RPS3: variants seen among roughly 807,000 people sequenced by gnomAD.
RPS3 encodes the protein small ribosomal subunit protein uS3.
In RPS3, 2 loss-of-function variants were observed where a neutral mutation model predicts 25.8. The ratio of observed to expected loss-of-function variants is 0.08; its 90% CI spans 0.03 to 0.24. The LOEUF (loss-of-function observed/expected upper bound fraction) is 0.24. Among genes scored for constraint, RPS3 ranks in the 10% least tolerant of loss-of-function variants. The probability of loss-of-function intolerance (pLI) is 1.00; values close to 1 mark genes in which losing one functional copy is unlikely to be tolerated. For missense variants in RPS3, 107 were observed against 307.1 expected, an observed-to-expected ratio of 0.35 and a Z score of 4.87; for synonymous variants, 114 against 114.2, an observed-to-expected ratio of 1.00 and a Z score of 0.01.
chr11:75,416,836 T>C (rs569279406), intron 6 of RPS3, among the ~76,000 whole-genome samples: 1 of 152,350 alleles, frequency 6.6e-6, no homozygotes, highest in East Asian at 1.9e-4. Flanking sequence ...CTGGAAAACA[T>C]TGAAGTATCA....
downstream of RPS3, among the ~76,000 whole-genome samples, chr11:75,407,545 C>A (rs35378921): frequency 0.072 from 11,010 of 152,218 alleles, 519 homozygotes; most frequent in South Asian, 0.22. Flanking sequence ...GATCTCTGCT[C>A]ACTGCAAGCC....
chr11:75,409,541 T>TTAA (rs1239267194), downstream of RPS3, among the ~76,000 whole-genome samples: 1 of 130,474 alleles, frequency 7.7e-6, no homozygotes, highest in East Asian at 2.2e-4. Flanking sequence ...GCAGAAGAAT[T>TTAA]TTTCTTAGTA....
intron 6 of RPS3, among the ~76,000 whole-genome samples, chr11:75,419,785 C>G (rs1035366895): frequency 1.2e-4 from 19 of 152,114 alleles, no homozygotes; most frequent in African/African-American, 4.6e-4. Flanking sequence ...AGGCATACGC[C>G]ACCATGCCCG....
intron 2 of RPS3, 92 bp downstream of exon 2, chr11:75,400,916 T>C (rs1948200292): frequency 7.0e-7 from 1 of 1,435,094 alleles, no homozygotes; most frequent in Non-Finnish European, 9.2e-7. Context: ...GGAGTCTTGC[T>C]CTGTCCCCAA....
chr11:75,420,929 G>A (rs1948438287), intron 6 of RPS3, among the ~76,000 whole-genome samples: 1 of 152,114 alleles, frequency 6.6e-6, no homozygotes, highest in African/African-American at 2.4e-5. Context: ...CAGTCAGCAT[G>A]GGGTAAATGG....
At chr11:75,412,461 C>T (rs1948365971) in intron 6 of RPS3, among the ~76,000 whole-genome samples, 1 of 152,120 alleles carries the variant, frequency 6.6e-6, no homozygotes, top group Non-Finnish European at 1.5e-5. Context: ...GTTCTTCAAG[C>T]CAAGGCTATC....
At chr11:75,402,168 G>T in intron 3 of RPS3, 184 bp from the exon 4 acceptor site, 2 of 826,666 alleles carry the variant, frequency 2.4e-6, no homozygotes, top group Non-Finnish European at 3.8e-6. Flanking sequence ...TACTGGTAGC[G>T]CAAAAAATCA....
chr11:75,418,403 G>A (rs969519190), intron 6 of RPS3, among the ~76,000 whole-genome samples: 1 of 151,970 alleles, frequency 6.6e-6, no homozygotes, highest in Admixed American at 6.6e-5. Context: ...TTTTATTTTG[G>A]TTTTTATCCC....
intron 6 of RPS3, among the ~76,000 whole-genome samples, chr11:75,414,313 C>T (rs1014343377): frequency 4.6e-5 from 7 of 152,136 alleles, no homozygotes; most frequent in African/African-American, 1.4e-4. Flanking sequence ...ATGGACTTCT[C>T]ATCAAAGGTT....
intron 3 of RPS3, chr11:75,402,141 G>A (rs1457912012): frequency 2.7e-5 from 17 of 641,000 alleles, no homozygotes; most frequent in Admixed American, 1.7e-4. Flanking sequence ...AAGAAGAAAT[G>A]TCTTGGGCCA....
At chr11:75,420,285 G>C (rs1247351167) in intron 6 of RPS3, among the ~76,000 whole-genome samples, 1 of 152,188 alleles carries the variant, frequency 6.6e-6, no homozygotes, top group Non-Finnish European at 1.5e-5. Flanking sequence ...GTCACCTTTT[G>C]CTTGTGTTTG....
intron 6 of RPS3, chr11:75,405,082 C>G (rs1214393826): frequency 2.4e-6 from 1 of 412,228 alleles, no homozygotes; most frequent in Non-Finnish European, 4.3e-6. Flanking sequence ...GAAAGAAGTT[C>G]CTGCTTTTAC....
At chr11:75,400,123 C>T (rs1948184728) in intron 1 of RPS3, among the ~76,000 whole-genome samples, 1 of 152,198 alleles carries the variant, frequency 6.6e-6, no homozygotes, top group Non-Finnish European at 1.5e-5. Context: ...GACAGTTTGT[C>T]ATTTCGTATA....
intron 6 of RPS3, among the ~76,000 whole-genome samples, chr11:75,417,795 C>T (rs566640599): frequency 3.3e-4 from 51 of 152,338 alleles, no homozygotes; most frequent in Admixed American, 1.2e-3. Context: ...GCTGCTTGTC[C>T]CAGGGGACTG....
intron 6 of RPS3, among the ~76,000 whole-genome samples, chr11:75,415,320 G>C (rs192447639): frequency 6.6e-6 from 1 of 152,122 alleles, no homozygotes; most frequent in Admixed American, 6.5e-5. Flanking sequence ...CTACTAATAC[G>C]CATTTCTGTG....
At chr11:75,400,253 A>T in intron 1 of RPS3, 1 of 421,612 alleles carries the variant, frequency 2.4e-6, no homozygotes, top group Admixed American at 2.7e-5. Context: ...GGTTGTGTCT[A>T]CAAGTGAGAG....
chr11:75,403,154 G>A (rs948379196), intron 4 of RPS3: 1 of 152,180 alleles, frequency 6.6e-6, no homozygotes, highest in Non-Finnish European at 1.5e-5. Flanking sequence ...TGTAGGCAAG[G>A]CTCTAGGTAA....
At chr11:75,411,379 A>T (rs1257802772), downstream of RPS3, among the ~76,000 whole-genome samples, 1 of 151,620 alleles carries the variant, frequency 6.6e-6, no homozygotes, top group African/African-American at 2.4e-5. Context: ...AAGTATTTGT[A>T]TTTTATTTTA....
chr11:75,420,698 A>G (rs564302884), intron 6 of RPS3, among the ~76,000 whole-genome samples: 35 of 152,086 alleles, frequency 2.3e-4, no homozygotes, highest in Non-Finnish European at 4.1e-4. Flanking sequence ...GACACAGGTG[A>G]AACTGACACC....
Sources: gnomAD v4.1 joint callset for allele counts (sites outside exome capture counted in the v4.1 genomes callset) on GRCh38, gnomAD v4.1.1 for gene constraint, MANE v1.5 for transcripts, NCBI Gene and HGNC (gene_info 2026-07-23, HGNC 2026-07-21) for gene names.